Variants in PCDHA5 observed in about 807,000 individuals in gnomAD.
PCDHA5 encodes the protein protocadherin alpha-5.
PCDHA5 carries 43 observed loss-of-function variants against 61.6 expected under a neutral mutation model. The ratio of observed to expected loss-of-function variants is 0.70; its 90% CI spans 0.55 to 0.90. PCDHA5 has a LOEUF of 0.90. PCDHA5 is among the 40% of genes least tolerant of loss of function. The pLI is 0.00. For missense variants in PCDHA5, 1,298 were observed against 1,222.7 expected (o/e 1.06, Z -0.92); for synonymous variants, 627 against 543.9 (o/e 1.15, Z -2.13).
intron 1 of PCDHA5, chr5:140,849,719 G>A (rs1386986772): frequency 6.3e-7 from 1 of 1,598,560 alleles, no homozygotes; most frequent in Non-Finnish European, 8.6e-7. Flanking sequence ...ACTCGTTGGT[G>A]CTGGACAGAG....
chr5:140,856,146 C>CA, intron 1 of PCDHA5: 2 of 1,598,308 alleles, frequency 1.3e-6, no homozygotes, highest in Non-Finnish European at 1.7e-6. Context: ...CTCCACTACT[C>CA]AGTCTACGAG....
At chr5:140,925,138 CA>C (rs2153576707) in intron 1 of PCDHA5, among the ~76,000 whole-genome samples, 1 of 151,676 alleles carries the variant, frequency 6.6e-6, no homozygotes, top group South Asian at 2.1e-4. Flanking sequence ...AAATTTCAAA[CA>C]TACACAAAAG....
intron 1 of PCDHA5, chr5:140,927,270 C>G: frequency 6.2e-7 from 1 of 1,614,150 alleles, no homozygotes; most frequent in Non-Finnish European, 8.5e-7. Context: ...TCTTTCCTGC[C>G]GGCGACGTGC....
At chr5:140,829,666 C>T in intron 1 of PCDHA5, 2 of 1,612,840 alleles carry the variant, frequency 1.2e-6, no homozygotes, top group Non-Finnish European at 1.7e-6. Flanking sequence ...CGCTGGACCA[C>T]GAGGAGCTAG....
chr5:140,842,743 C>T lies in PCDHA5; in HGVS notation c.2352+18616C>T, dbSNP rs140156445. On this transcript the variant is annotated intron_variant, in intron 1 of 3. Transcript: ENST00000529859. ...AGAACAACCCGCCGGGCTGCCACATCTTCACGGTGTCTGCGCGAGACGCGG... is the reference window on the plus strand; with the variant it reads ...AGAACAACCCGCCGGGCTGCCACATTTTCACGGTGTCTGCGCGAGACGCGG... The T allele has an allele frequency of 1.0e-5, 16 of 1,595,026 alleles. No homozygotes were observed. The African/African-American group carries it at 1.9e-4, about 19-fold the overall frequency.
In PCDHA5 at chr5:140,843,290, C is replaced by A. The variant is rs2150356540; in HGVS notation, c.2352+19163C>A. On this transcript the variant is annotated intron_variant, in intron 1 of 3. Transcript: ENST00000529859. Reference sequence around the variant, plus strand: ...GGTCCTGGTGAAGGATCATGGTGAACCTGCGCTGACCGCCACGGCCACGGT... The same window carrying A: ...GGTCCTGGTGAAGGATCATGGTGAAACTGCGCTGACCGCCACGGCCACGGT... The A allele has an allele frequency of 1.2e-4, 199 of 1,595,966 alleles. 7 individuals carry two copies. The East Asian group carries it at 4.2e-3, about 34-fold the overall frequency.
rs782030896 is a variant in PCDHA5, at chr5:140,857,680, G to C, written c.2352+33553G>C. ...CGCGCGATGGGGGCGTGCCGCCTCT[G>C]GGCAGCAACTTGACGCTGCAGGTGT... On this transcript the variant is annotated intron_variant, in intron 1 of 3. Coordinates refer to ENST00000529859, the MANE Select transcript of PCDHA5 (RefSeq NM_018908.3). 20 of 1,597,122 alleles carry C rather than the reference G, an allele frequency of 1.3e-5. 2 individuals are homozygous for C. Among genetic ancestry groups the C allele is most frequent in the South Asian group, 2.2e-5 (2 of 90,508 alleles).
chr5:140,883,449 C>G lies in PCDHA5; in HGVS notation c.2352+59322C>G, dbSNP rs782030208. The G allele has an allele frequency of 6.8e-6, 11 of 1,614,058 alleles. No homozygotes were observed. The Admixed American group carries it at 1.8e-4, about 27-fold the overall frequency. On this transcript the variant is annotated intron_variant, in intron 1 of 3. Coordinates refer to ENST00000529859, the MANE Select transcript of PCDHA5 (RefSeq NM_018908.3). Reference sequence around the variant, plus strand: ...ACCTGCACCTTGACGCCGCATGTCCCCTTCAAGCTGGTGTCCACCTACAAG... The same window carrying G: ...ACCTGCACCTTGACGCCGCATGTCCGCTTCAAGCTGGTGTCCACCTACAAG...
intron 3 of PCDHA5, among the ~76,000 whole-genome samples, chr5:140,993,250 T>G (rs1554253518): frequency 6.6e-6 from 1 of 152,154 alleles, no homozygotes; most frequent in East Asian, 1.9e-4. Context: ...GGGATTTAGA[T>G]ATATAAATTA....
rs1554148909 is a variant in PCDHA5, at chr5:140,856,599, A to G, written c.2352+32472A>G. 10 of 1,597,910 alleles carry G rather than the reference A, an allele frequency of 6.3e-6. 1 individual carries two copies. Among genetic ancestry groups the G allele is most frequent in the African/African-American group, 1.3e-5 (1 of 74,324 alleles). ...TATTTTGTTCTTGATATTATAAACAAAAAAGACAAAGACAAATTCCCAGTG... is the reference window on the plus strand; with the variant it reads ...TATTTTGTTCTTGATATTATAAACAGAAAAGACAAAGACAAATTCCCAGTG... On this transcript the variant is annotated intron_variant, in intron 1 of 3. Transcript: ENST00000529859.
chr5:140,980,427 C>T (rs551274468), intron 2 of PCDHA5, among the ~76,000 whole-genome samples: 2 of 152,198 alleles, frequency 1.3e-5, no homozygotes, highest in South Asian at 2.1e-4. Flanking sequence ...GTCAAGAGAT[C>T]GAGACCATCC....
At chr5:140,838,830 G>A (rs562018210) in intron 1 of PCDHA5, among the ~76,000 whole-genome samples, 1 of 151,882 alleles carries the variant, frequency 6.6e-6, no homozygotes, top group African/African-American at 2.4e-5. Context: ...ACTGAGGTGG[G>A]AGGATCACTT....
chr5:140,869,504 C>G (rs959374162), intron 1 of PCDHA5: 1 of 1,614,200 alleles, frequency 6.2e-7, no homozygotes, highest in Admixed American at 1.7e-5. Context: ...CCGGTGTTCT[C>G]GCTCAGAGAA....
chr5:140,856,716 G>T (rs1482820775), intron 1 of PCDHA5: 1 of 1,596,628 alleles, frequency 6.3e-7, no homozygotes, highest in Admixed American at 1.7e-5. Context: ...GAATTTACCG[G>T]ATCTGTTTCT....
intron 1 of PCDHA5, among the ~76,000 whole-genome samples, chr5:140,854,895 C>T (rs565255235): frequency 1.1e-4 from 16 of 149,404 alleles, no homozygotes; most frequent in African/African-American, 3.7e-4. Flanking sequence ...ATTTGAAAAG[C>T]GTAAATATAA....
At chr5:140,834,573 T>C (rs1773106478) in intron 1 of PCDHA5, 1 of 1,614,010 alleles carries the variant, frequency 6.2e-7, no homozygotes, top group South Asian at 1.1e-5. Context: ...GCCGCGCCTG[T>C]TCCGGGCGGT....
chr5:140,870,016 G>A (rs1554163708), intron 1 of PCDHA5: 1 of 1,613,448 alleles, frequency 6.2e-7, no homozygotes, highest in Non-Finnish European at 8.5e-7. Flanking sequence ...GAGGGTCAAT[G>A]GAACTTTAGA....
chr5:140,867,523 A>AGT (rs2050005446), intron 1 of PCDHA5: 1 of 152,088 alleles, frequency 6.6e-6, no homozygotes, highest in South Asian at 2.1e-4. Context: ...TTAATAGTTG[A>AGT]ATATATATAT....
intron 1 of PCDHA5, chr5:140,857,701 G>A (rs1043829375): frequency 4.4e-6 from 7 of 1,597,352 alleles, no homozygotes; most frequent in Non-Finnish European, 6.0e-6. Flanking sequence ...TGACGCTGCA[G>A]GTGTTCGTGC....
Sources: gnomAD v4.1 joint callset for allele counts (sites outside exome capture counted in the v4.1 genomes callset) on GRCh38, gnomAD v4.1.1 for gene constraint, MANE v1.5 for transcripts, NCBI Gene and HGNC (gene_info 2026-07-23, HGNC 2026-07-21) for gene names.